Variants in PPFIA2 observed in about 807,000 individuals in gnomAD.
PPFIA2 encodes the protein PPFI scaffold protein A2, also known as liprin-alpha-2.
PPFIA2 carries 46 observed loss-of-function variants against 175.5 expected under a neutral mutation model. That is an observed-to-expected ratio of 0.26 (90% CI 0.21 to 0.34). The LOEUF is 0.34. PPFIA2 is among the 10% of genes least tolerant of loss of function. PPFIA2 has a pLI of 1.00. For missense variants in PPFIA2, 1,179 were observed against 1,506.1 expected (o/e 0.78, Z 3.60); for synonymous variants, 568 against 511.4 (o/e 1.11, Z -1.49).
intron 4 of PPFIA2, 28 bp downstream of exon 4, chr12:81,676,763 G>A (rs1287080624): frequency 2.7e-6 from 4 of 1,508,264 alleles, no homozygotes; most frequent in East Asian, 5.0e-5. Flanking sequence ...TTCATCAATA[G>A]TTAAATTTAA....
chr12:81,496,371 T>C (rs147123808), intron 4 of PPFIA2, among the ~76,000 whole-genome samples: 1,843 of 152,152 alleles, frequency 0.012, 45 homozygotes, highest in East Asian at 0.044. Flanking sequence ...TTGCAGAAAA[T>C]TGCCAATATA....
At chr12:81,474,840 T>C (rs1056195708) in intron 4 of PPFIA2, among the ~76,000 whole-genome samples, 1 of 152,190 alleles carries the variant, frequency 6.6e-6, no homozygotes, top group Non-Finnish European at 1.5e-5. Context: ...TGCCCTATTG[T>C]TTTGTATAGA....
In PPFIA2 at chr12:81,358,111, G is replaced by A. The variant is rs778855709; in HGVS notation, c.1744C>T (p.Arg582Cys). Residue 582 changes from arginine (R) to cysteine (C), a missense_variant, in exon 16 of 33, where the codon CGC (arginine) becomes TGC (cysteine). Physicochemically the swap from Arg to Cys is radical, Grantham distance 180. Coordinates refer to ENST00000549396, the MANE Select transcript of PPFIA2 (RefSeq NM_003625.5). ...GGCTCATCTCTTCGCACACCCATGC[G>A]GCCTCTCCTTGGTCTTCTTATTACT... Reference protein sequence around the residue: ...TKVIRRPRRGRMGVRRDEPKV... With the variant: ...TKVIRRPRRGCMGVRRDEPKV... The A allele has an allele frequency of 1.1e-5, 17 of 1,605,266 alleles. No individual in the cohort carries two copies. The highest frequency in any genetic ancestry group is 3.4e-5 in the Admixed American group (2 of 59,164).
At chr12:81,645,402 A>G (rs2065923986) in intron 4 of PPFIA2, among the ~76,000 whole-genome samples, 1 of 152,004 alleles carries the variant, frequency 6.6e-6, no homozygotes, top group Non-Finnish European at 1.5e-5. Context: ...TGCTTACACC[A>G]CCCCTCAGCA....
intron 22 of PPFIA2, among the ~76,000 whole-genome samples, chr12:81,306,332 A>G (rs1921051): frequency 0.42 from 63,040 of 151,902 alleles, 13,791 homozygotes; most frequent in Non-Finnish European, 0.49. Flanking sequence ...TTTGGGCTGC[A>G]CATCCATAAC....
At chr12:81,459,024 G>C (rs1238830955) in intron 4 of PPFIA2, among the ~76,000 whole-genome samples, 2 of 152,132 alleles carry the variant, frequency 1.3e-5, no homozygotes, top group Non-Finnish European at 2.9e-5. Flanking sequence ...GCTGGGGAAG[G>C]TTTGGAGTTT....
intron 4 of PPFIA2, among the ~76,000 whole-genome samples, chr12:81,524,277 C>T (rs7306960): frequency 0.35 from 52,615 of 151,870 alleles, 9,845 homozygotes; most frequent in African/African-American, 0.49. Context: ...TGGTGTGGGC[C>T]GCACCCAGCA....
rs540620847 is a variant in PPFIA2 at position 81,602,426 on chromosome 12, T to C, written c.303+74365A>G. On this transcript the variant is annotated intron_variant, in intron 4 of 32. Coordinates refer to ENST00000549396, the MANE Select transcript of PPFIA2 (RefSeq NM_003625.5). The stretch of plus-strand genomic sequence containing the variant: ...GAGAAACTCTGTTCCCAGAAGTAAG[T>C]AGATGGAAAAGAAAAAAGGTTGTGT... 1.8e-4 allele frequency among the ~76,000 whole-genome samples: 27 copies of C among 148,144 alleles called. No individual in the cohort carries two copies. The South Asian group carries it at 4.6e-3, about 25-fold the overall frequency.
intron 29 of PPFIA2, chr12:81,267,323 A>T (rs2037572659): frequency 4.7e-6 from 2 of 426,340 alleles, no homozygotes; most frequent in Admixed American, 7.2e-5. Context: ...TGAAATATGT[A>T]AAAACAAAAT....
chr12:81,380,261 A>C (rs895107281), intron 9 of PPFIA2, among the ~76,000 whole-genome samples: 2 of 152,040 alleles, frequency 1.3e-5, no homozygotes, highest in Non-Finnish European at 2.9e-5. Context: ...AGCTACTCCA[A>C]AGGCTGAGGT....
At chr12:81,331,297 G>T (rs975285841) in intron 21 of PPFIA2, among the ~76,000 whole-genome samples, 2 of 152,168 alleles carry the variant, frequency 1.3e-5, no homozygotes, top group Admixed American at 6.5e-5. Flanking sequence ...ATAGCAACAG[G>T]CTATACCTAT....
intron 4 of PPFIA2, among the ~76,000 whole-genome samples, chr12:81,630,469 A>G (rs1311267134): frequency 1.3e-5 from 2 of 152,226 alleles, no homozygotes; most frequent in African/African-American, 4.8e-5. Flanking sequence ...CCTAAGAAGT[A>G]TATGATGAAG....
intron 3 of PPFIA2, among the ~76,000 whole-genome samples, chr12:81,749,179 C>T (rs1022779556): frequency 1.4e-5 from 2 of 144,230 alleles, no homozygotes; most frequent in African/African-American, 2.4e-5. Flanking sequence ...CTTTACCAAT[C>T]GTTTCTCAAA....
chr12:81,411,669 T>G (rs2143005740), intron 7 of PPFIA2, among the ~76,000 whole-genome samples: 1 of 152,180 alleles, frequency 6.6e-6, no homozygotes, highest in East Asian at 1.9e-4. Context: ...TGTTTTTCTT[T>G]GATATCCTGG....
intron 5 of PPFIA2, among the ~76,000 whole-genome samples, chr12:81,454,157 C>T (rs1429043040): frequency 2.0e-5 from 3 of 152,088 alleles, no homozygotes; most frequent in African/African-American, 7.2e-5. Context: ...GAACTCTAGG[C>T]TGCAGTGAAC....
At chr12:81,688,045 A>C (rs187278626) in intron 3 of PPFIA2, among the ~76,000 whole-genome samples, 43 of 152,142 alleles carry the variant, frequency 2.8e-4, no homozygotes, top group Non-Finnish European at 7.4e-5. Flanking sequence ...AGGAAACCTA[A>C]GATTCATTTT....
At chr12:81,302,340 G>T in intron 22 of PPFIA2, 1 of 241,166 alleles carries the variant, frequency 4.1e-6, no homozygotes. Flanking sequence ...TGAGAATTTG[G>T]TTAAGAGGCA....
intron 22 of PPFIA2, among the ~76,000 whole-genome samples, chr12:81,308,161 C>T (rs866551199): frequency 4.6e-5 from 7 of 152,130 alleles, no homozygotes; most frequent in Admixed American, 1.3e-4. Context: ...ACATCTAATG[C>T]GCTCTCCTGT....
intron 4 of PPFIA2, among the ~76,000 whole-genome samples, chr12:81,664,323 G>T (rs1368824608): frequency 6.6e-6 from 1 of 151,838 alleles, no homozygotes; most frequent in Non-Finnish European, 1.5e-5. Flanking sequence ...AATCTACAAA[G>T]AACTCAAACA....
Sources: gnomAD v4.1 joint callset for allele counts (sites outside exome capture counted in the v4.1 genomes callset) on GRCh38, gnomAD v4.1.1 for gene constraint, MANE v1.5 for transcripts, NCBI Gene and HGNC (gene_info 2026-07-23, HGNC 2026-07-21) for gene names.